Variants in TTC9 observed in about 807,000 individuals in gnomAD.
TTC9 encodes tetratricopeptide repeat domain 9.
Under a neutral mutation model 22.9 loss-of-function variants are expected in TTC9, and 13 were observed. The observed-to-expected ratio is 0.57, with a 90% CI of 0.37 to 0.90. The LOEUF (loss-of-function observed/expected upper bound fraction) is 0.90, where lower values mean the gene tolerates loss of function less well. Among genes scored for constraint, TTC9 ranks in the 40% least tolerant of loss-of-function variants. The pLI is 0.01. For missense variants in TTC9, 280 were observed against 291.8 expected (o/e 0.96, Z 0.29); for synonymous variants, 148 against 133.2 (o/e 1.11, Z -0.77).
rs1314293698 is a variant in TTC9 at position 70,671,136 on chromosome 14, G to A, written c.650G>A (p.Arg217Lys). ...TEMKLSRCSQ[R>K]EKEAM ...ATGAAACTCAGCCGATGCTCCCAGA[G>A]AGAAAAAGAAGCCATGTAACCAGGA... Residue 217 changes from arginine to lysine, a missense_variant, in exon 3 of 3, where the codon AGA (arginine) becomes AAA (lysine). Coordinates refer to ENST00000256367, the MANE Select transcript of TTC9 (RefSeq NM_015351.2). 6.2e-7 allele frequency: 1 copy of A among 1,613,692 alleles called. No individual in the cohort carries two copies.
chr14:70,646,133 T>G (rs1426497212), intron 1 of TTC9, among the ~76,000 whole-genome samples: 1 of 152,200 alleles, frequency 6.6e-6, no homozygotes, highest in African/African-American at 2.4e-5. Flanking sequence ...CTGGCTGGGA[T>G]TTCCTTTTGG....
intron 1 of TTC9, among the ~76,000 whole-genome samples, chr14:70,663,999 G>C (rs958155900): frequency 6.6e-6 from 1 of 152,196 alleles, no homozygotes; most frequent in Non-Finnish European, 1.5e-5. Context: ...CATTTCTCTG[G>C]AACTCAGTTT....
At chr14:70,649,421 T>C (rs892649317) in intron 1 of TTC9, among the ~76,000 whole-genome samples, 2 of 151,114 alleles carry the variant, frequency 1.3e-5, no homozygotes, top group African/African-American at 4.8e-5. Context: ...AAGGACAAGA[T>C]CCCCGCCTTA....
Position 70,672,513 on chromosome 14 carries a change from G to T in TTC9, c.*1358G>T, listed in dbSNP as rs1197427773. The T allele has an allele frequency of 6.6e-6, 1 of 152,080 alleles. No homozygotes were observed. The highest frequency in any genetic ancestry group is 1.5e-5 in the Non-Finnish European group (1 of 68,020). The allele number at this position is 152,080 out of a possible 1,614,324, so 9.4% of individuals were successfully genotyped here. On this transcript the variant is annotated 3_prime_UTR_variant, in exon 3 of 3. Transcript: ENST00000256367. ...CATGGGATGTCGTCTCAGTCTTCAA[G>T]GAAATGGAAGGGTTAAGAAATGCAT...
chr14:70,642,074 G>A lies in TTC9; in HGVS notation c.-56G>A, dbSNP rs1018279229. On this transcript the variant is annotated 5_prime_UTR_variant, in exon 1 of 3. Transcript: ENST00000256367. ...CTTTTAAACCCGGGAAGGCGCGGCG[G>A]CGGCGGCGGCGGCGGGCAGATCGCG... 3 of 1,019,602 alleles carry A rather than the reference G, an allele frequency of 2.9e-6. No individual in the cohort carries two copies. Among genetic ancestry groups the A allele is most frequent in the Non-Finnish European group, 3.5e-6 (3 of 853,048 alleles). 63.2% of individuals were successfully genotyped at this position (1,019,602 alleles called of 1,614,324 possible).
intron 1 of TTC9, among the ~76,000 whole-genome samples, chr14:70,659,119 A>AACACACACACGCGCAC (rs1365105263): frequency 5.6e-4 from 76 of 134,702 alleles, no homozygotes; most frequent in African/African-American, 2.0e-3. Context: ...TATATAACTA[A>AACACACACACGCGCAC]ACACACACAC....
At position 70,642,456 on chromosome 14, in the gene TTC9, C is replaced by G. The variant is rs775470494; in HGVS notation, c.327C>G (p.Ala109=). 7.7e-6 allele frequency: 12 copies of G among 1,556,772 alleles called. No individual in the cohort carries two copies. The highest frequency in any genetic ancestry group is 9.5e-6 in the Non-Finnish European group (11 of 1,151,940). The change falls in exon 1 of 3, where the codon GCC becomes GCG. Residue 109 remains alanine, a synonymous_variant. Coordinates refer to ENST00000256367, the MANE Select transcript of TTC9 (RefSeq NM_015351.2). ...CGCGCCCGGCCTCCCCGGCTGGGGC[C>G]CTGAAGCCCGGCCGCCTCTCGGAGG... is the stretch of plus-strand genomic sequence containing the variant. ...RDSRPASPAG[A]LKPGRLSEEQ...
chr14:70,669,520 A>G (rs886289125), intron 2 of TTC9, among the ~76,000 whole-genome samples: 4 of 150,430 alleles, frequency 2.7e-5, no homozygotes, highest in African/African-American at 9.8e-5. Flanking sequence ...GGCTCAAGCA[A>G]TCCTTCTGCC....
chr14:70,659,509 A>G (rs77452714), intron 1 of TTC9, among the ~76,000 whole-genome samples: 3,326 of 152,280 alleles, frequency 0.022, 112 homozygotes, highest in African/African-American at 0.075. Flanking sequence ...TGGTGGTTTT[A>G]GAACTTAGGA....
intron 2 of TTC9, among the ~76,000 whole-genome samples, chr14:70,670,242 C>T (rs1292720497): frequency 6.6e-6 from 1 of 152,208 alleles, no homozygotes; most frequent in Non-Finnish European, 1.5e-5. Context: ...CTCAATCTCG[C>T]TAGGTCCCTA....
chr14:70,670,380 G>A (rs1370258530), intron 2 of TTC9, among the ~76,000 whole-genome samples: 3 of 152,232 alleles, frequency 2.0e-5, no homozygotes, highest in Admixed American at 1.3e-4. Flanking sequence ...TTGGCTGGGC[G>A]CGGTGGCTCA....
At chr14:70,658,724 CTCTTA>C (rs1373474050) in intron 1 of TTC9, among the ~76,000 whole-genome samples, 1 of 152,266 alleles carries the variant, frequency 6.6e-6, no homozygotes, top group African/African-American at 2.4e-5. Flanking sequence ...CACTCTTGAG[CTCTTA>C]TCTTAGAGAA....
Position 70,642,398 on chromosome 14 carries a change from TG to T in TTC9, c.270del (p.Leu91CysfsTer20). ...CGGGCGTTGCTGGAGCTGAAGGGGC[TG>T]CTGCCGCCCCCCGGGGAACGGGAGC... ...YHRALLELKG[L>X]LPPPGERERD... On this transcript the variant is annotated frameshift_variant, in exon 1 of 3. Coordinates refer to ENST00000256367, the MANE Select transcript of TTC9 (RefSeq NM_015351.2). LOFTEE classifies it high-confidence loss of function. 1 of 1,602,180 alleles carries T rather than the reference TG, an allele frequency of 6.2e-7. No individual in the cohort carries two copies. The highest frequency in any genetic ancestry group is 1.1e-5 in the South Asian group (1 of 89,166).
chr14:70,649,763 T>C (rs945577796), intron 1 of TTC9, among the ~76,000 whole-genome samples: 1 of 152,266 alleles, frequency 6.6e-6, no homozygotes, highest in South Asian at 2.1e-4. Context: ...GTAACTCTCT[T>C]GCCCATCTTC....
At chr14:70,669,105 A>T (rs1886255916) in intron 2 of TTC9, among the ~76,000 whole-genome samples, 1 of 151,882 alleles carries the variant, frequency 6.6e-6, no homozygotes, top group Non-Finnish European at 1.5e-5. Flanking sequence ...GCAGTGAGCC[A>T]AGATTGCGCC....
chr14:70,665,471 G>A (rs1303335621), intron 1 of TTC9, among the ~76,000 whole-genome samples: 6 of 152,198 alleles, frequency 3.9e-5, no homozygotes, highest in Non-Finnish European at 5.9e-5. Flanking sequence ...AGGGGAGGGG[G>A]GCTTGTAGCA....
intron 1 of TTC9, among the ~76,000 whole-genome samples, chr14:70,663,765 C>T (rs1886175967): frequency 6.6e-6 from 1 of 152,188 alleles, no homozygotes; most frequent in African/African-American, 2.4e-5. Context: ...CAGTGCCCAG[C>T]AGTTAGGCAT....
At chr14:70,659,390 T>C (rs187564368) in intron 1 of TTC9, among the ~76,000 whole-genome samples, 1 of 152,242 alleles carries the variant, frequency 6.6e-6, no homozygotes, top group African/African-American at 2.4e-5. Flanking sequence ...GGGGTTAGTT[T>C]TGCAAGCACT....
At chr14:70,657,584 G>T (rs763645113) in intron 1 of TTC9, among the ~76,000 whole-genome samples, 45 of 152,224 alleles carry the variant, frequency 3.0e-4, no homozygotes, top group Admixed American at 2.7e-3. Context: ...AAGCCAAACA[G>T]CTCCTGGCAG....
Sources: allele counts gnomAD v4.1 joint callset (sites outside exome capture counted in the v4.1 genomes callset), GRCh38; gene constraint gnomAD v4.1.1; transcripts MANE v1.5; gene names NCBI Gene and HGNC (gene_info 2026-07-23, HGNC 2026-07-21).